The following CHST8 variants were observed in gnomAD, a reference collection of about 807,000 sequenced individuals.
CHST8 encodes the protein GALNAC-4-ST1.
CHST8 carries 10 observed loss-of-function variants against 15.0 expected under a neutral mutation model. The observed-to-expected ratio is 0.67, with a 90% CI of 0.41 to 1.13. CHST8 has a LOEUF of 1.13. Ranked by LOEUF, CHST8 falls within the 50% of genes most tolerant of loss-of-function variation. CHST8 has a pLI of 0.00. For missense variants in CHST8, 634 were observed against 608.2 expected, an observed-to-expected ratio of 1.04 and a Z score of -0.45; for synonymous variants, 259 against 256.6, an observed-to-expected ratio of 1.01 and a Z score of -0.09.
At chr19:33,662,575 G>A (rs552183100) in intron 1 of CHST8, among the ~76,000 whole-genome samples, 1 of 152,300 alleles carries the variant, frequency 6.6e-6, no homozygotes, top group Admixed American at 6.5e-5. Context: ...CTGTGAGGGG[G>A]TGCCTGGAGT....
Position 33,757,418 on chromosome 19 carries a change from G to T in CHST8, c.131-13995G>T, listed in dbSNP as rs549622151. Reference sequence around the variant, plus strand: ...AGAAAGAAAGAAAGAAAGAAAGAAAGAAAGAAAGAAAGAAAGAAAGAAAGA... The same window carrying T: ...AGAAAGAAAGAAAGAAAGAAAGAAATAAAGAAAGAAAGAAAGAAAGAAAGA... On this transcript the variant is annotated intron_variant, in intron 3 of 4. Transcript: ENST00000650847. Among the ~76,000 whole-genome samples the T allele has an allele frequency of 7.9e-3, 72 of 9,084 alleles. 4 individuals carry two copies. The highest frequency in any genetic ancestry group is 0.012 in the Non-Finnish European group (51 of 4,126). 6.0% of individuals were successfully genotyped at this position (9,084 alleles called of 152,430 possible).
At chr19:33,648,756 G>A (rs984756118) in intron 1 of CHST8, among the ~76,000 whole-genome samples, 1 of 151,996 alleles carries the variant, frequency 6.6e-6, no homozygotes, top group South Asian at 2.1e-4. Context: ...CTTTGTACAC[G>A]AATGTGTACA....
intron 1 of CHST8, among the ~76,000 whole-genome samples, chr19:33,660,745 A>G (rs551538933): frequency 6.6e-6 from 1 of 152,188 alleles, no homozygotes; most frequent in Non-Finnish European, 1.5e-5. Context: ...TTCAGTTTGC[A>G]TGCAATTGAA....
rs971950697 is a variant in CHST8, at chr19:33,773,216, G to A, written c.*153G>A. The A allele has an allele frequency of 3.4e-6, 3 of 877,622 alleles. 1 individual carries two copies. Among genetic ancestry groups the A allele is most frequent in the South Asian group, 3.6e-5 (2 of 55,444 alleles). 54.4% of individuals were successfully genotyped at this position (877,622 alleles called of 1,614,324 possible). ...GGAGGCAGCAGGCCCCGGGTGGGGG[G>A]CAGAGGCGCCCAGCCTTGGATGGGG... is the stretch of plus-strand genomic sequence containing the variant. On this transcript the variant is annotated 3_prime_UTR_variant, in exon 5 of 5. Transcript: ENST00000650847.
At chr19:33,739,278 G>T (rs1461434268) in intron 3 of CHST8, among the ~76,000 whole-genome samples, 2 of 152,064 alleles carry the variant, frequency 1.3e-5, no homozygotes, top group African/African-American at 4.8e-5. Context: ...TCCTCCACAA[G>T]ATGAAGTGTT....
At chr19:33,633,585 G>C (rs1972152482) in intron 1 of CHST8, among the ~76,000 whole-genome samples, 1 of 150,836 alleles carries the variant, frequency 6.6e-6, no homozygotes, top group African/African-American at 2.4e-5. Context: ...TGTAGAGATG[G>C]GGGGGTCTCA....
intron 1 of CHST8, among the ~76,000 whole-genome samples, chr19:33,642,790 C>T (rs534563421): frequency 8.5e-5 from 13 of 152,248 alleles, no homozygotes; most frequent in Admixed American, 6.5e-4. Flanking sequence ...GGCTACCTTA[C>T]GTCTCTATCG....
chr19:33,708,639 A>C (rs1461538739), intron 3 of CHST8, among the ~76,000 whole-genome samples: 1 of 152,234 alleles, frequency 6.6e-6, no homozygotes, highest in Non-Finnish European at 1.5e-5. Context: ...ATTTATAAAA[A>C]GTTGTGAAAT....
At chr19:33,687,144 G>C (rs982362600) in intron 2 of CHST8, among the ~76,000 whole-genome samples, 3 of 152,256 alleles carry the variant, frequency 2.0e-5, no homozygotes, top group South Asian at 4.1e-4. Context: ...GGCTGGCCCC[G>C]GTGGGGCTGG....
rs890503135 is a variant in CHST8, at chr19:33,629,387, C to T, written c.-164+7091C>T. On this transcript the variant is annotated intron_variant, in intron 1 of 4. Coordinates refer to ENST00000650847, the MANE Select transcript of CHST8 (RefSeq NM_001127895.2). ...TTATACCCTTTTCTTGCTCTCAGCCCTCTCTCCTTTTCCTCCTCCCCAAGG... is the reference window on the plus strand; with the variant it reads ...TTATACCCTTTTCTTGCTCTCAGCCTTCTCTCCTTTTCCTCCTCCCCAAGG... 4.5e-4 allele frequency among the ~76,000 whole-genome samples: 68 copies of T among 152,248 alleles called. 1 individual carries two copies. The highest frequency in any genetic ancestry group is 1.5e-3 in the African/African-American group (63 of 41,466).
intron 2 of CHST8, among the ~76,000 whole-genome samples, chr19:33,670,123 T>C (rs1460898699): frequency 6.6e-6 from 1 of 152,150 alleles, no homozygotes; most frequent in East Asian, 1.9e-4. Flanking sequence ...TTTCGCCAAG[T>C]TTTTTAGAAG....
intron 1 of CHST8, among the ~76,000 whole-genome samples, chr19:33,638,158 G>A (rs562666956): frequency 6.6e-6 from 1 of 152,240 alleles, no homozygotes; most frequent in South Asian, 2.1e-4. Context: ...TGGTCGGAAA[G>A]TGTTTAACAA....
chr19:33,757,483 A>AAGGAAGGAAGG, intron 3 of CHST8, among the ~76,000 whole-genome samples: 1 of 48,120 alleles, frequency 2.1e-5, no homozygotes, highest in Non-Finnish European at 4.3e-5. Context: ...AGAAAGAAAG[A>AAGGAAGGAAGG]AAGAAAGAAA....
chr19:33,766,689 C>T (rs1464610015), intron 3 of CHST8, among the ~76,000 whole-genome samples: 1 of 152,218 alleles, frequency 6.6e-6, no homozygotes, highest in Non-Finnish European at 1.5e-5. Context: ...GTGCTGAGGA[C>T]CAAGATGCAG....
chr19:33,726,424 C>T (rs944119640), intron 3 of CHST8, among the ~76,000 whole-genome samples: 6 of 152,118 alleles, frequency 3.9e-5, no homozygotes, highest in Non-Finnish European at 8.8e-5. Flanking sequence ...AGCATGGTGG[C>T]GCATGCCTGT....
chr19:33,692,032 C>T (rs1284243221), intron 3 of CHST8, among the ~76,000 whole-genome samples: 3 of 152,128 alleles, frequency 2.0e-5, no homozygotes, highest in South Asian at 4.1e-4. Context: ...ACGCAGCCAC[C>T]GGATATTAAC....
intron 2 of CHST8, among the ~76,000 whole-genome samples, chr19:33,681,082 G>A (rs756963112): frequency 1.3e-5 from 2 of 152,226 alleles, no homozygotes; most frequent in South Asian, 2.1e-4. Context: ...AAGGATCCTC[G>A]TGTTGCTTTC....
chr19:33,659,385 A>AT (rs1489137779), intron 1 of CHST8, among the ~76,000 whole-genome samples: 7 of 151,880 alleles, frequency 4.6e-5, no homozygotes, highest in Non-Finnish European at 8.8e-5. Context: ...TTCTATTGAG[A>AT]TTTTTTTCCT....
At chr19:33,627,825 C>T (rs1972075453) in intron 1 of CHST8, among the ~76,000 whole-genome samples, 1 of 152,126 alleles carries the variant, frequency 6.6e-6, no homozygotes, top group African/African-American at 2.4e-5. Context: ...TGTACCAGGC[C>T]CTGTGGACAT....
Sources: gnomAD v4.1 joint callset for allele counts (sites outside exome capture counted in the v4.1 genomes callset) on GRCh38, gnomAD v4.1.1 for gene constraint, MANE v1.5 for transcripts, NCBI Gene and HGNC (gene_info 2026-07-23, HGNC 2026-07-21) for gene names.